Variants in ASAH1 observed in about 807,000 individuals in gnomAD.
ASAH1 encodes the protein N-acylsphingosine amidohydrolase 1.
Under a neutral mutation model 59.5 loss-of-function variants are expected in ASAH1, and 70 were observed. That is an observed-to-expected ratio of 1.18 (90% CI 0.97 to 1.43). ASAH1 has a LOEUF of 1.43. Ranked by LOEUF, ASAH1 falls within the 40% of genes most tolerant of loss-of-function variation. The probability of loss-of-function intolerance (pLI) is 0.00; values close to 1 mark genes in which losing one functional copy is unlikely to be tolerated. For missense variants in ASAH1, 660 were observed against 482.5 expected (o/e 1.37, Z -3.45); for synonymous variants, 213 against 166.5 (o/e 1.28, Z -2.15).
intron 8 of ASAH1, 83 bp from the exon 9 acceptor site, chr8:18,061,823 A>G: frequency 7.8e-7 from 1 of 1,281,524 alleles, no homozygotes; most frequent in Non-Finnish European, 1.1e-6. Flanking sequence ...TCAGAGTGGG[A>G]TATAAAGGCC....
At chr8:18,062,506 T>C (rs1799749217) in intron 7 of ASAH1, 83 bp from the exon 8 acceptor site, 2 of 1,458,682 alleles carry the variant, frequency 1.4e-6, no homozygotes, top group Admixed American at 3.4e-5. Flanking sequence ...GGCATTACAC[T>C]AGGAGCTTTA....
chr8:18,059,617 C>A lies in ASAH1; in HGVS notation c.872G>T (p.Gly291Val), dbSNP rs776590059. 2.5e-6 allele frequency: 4 copies of A among 1,614,100 alleles called. No individual in the cohort carries two copies. The highest frequency in any genetic ancestry group is 1.3e-5 in the African/African-American group (1 of 74,932). ...FILGGNQSGEGCVITRDRKES... is the reference protein window; with the variant it reads ...FILGGNQSGEVCVITRDRKES... The stretch of plus-strand genomic sequence containing the variant: ...CTTTCTGTCTCGTGTAATCACACAA[C>A]CTTCCCCAGACTGGTTGCCTCCCAG... The change falls in exon 11 of 14, where the codon GGT becomes GTT. Residue 291 changes from glycine to valine, a missense_variant. Transcript: ENST00000637790.
At position 18,069,838 on chromosome 8, in the gene ASAH1, G is replaced by GT. The variant is rs1336696568; in HGVS notation, c.256dup (p.Thr86AsnfsTer14). ...CATAATTTTTCCACTTGGCACGAATGTATTTATCATATTCTTCAGAGAATT... is the reference window on the plus strand; with the variant it reads ...CATAATTTTTCCACTTGGCACGAATGTTATTTATCATATTCTTCAGAGAATT... On this transcript the variant is annotated frameshift_variant, in exon 4 of 14. Coordinates refer to ENST00000637790, the MANE Select transcript of ASAH1 (RefSeq NM_177924.5). LOFTEE classifies it high-confidence loss of function. 6.3e-7 allele frequency: 1 copy of GT among 1,592,100 alleles called. No homozygotes were observed. Among genetic ancestry groups the GT allele is most frequent in the East Asian group, 2.2e-5 (1 of 44,742 alleles).
chr8:18,074,957 C>A lies in ASAH1; in HGVS notation c.125+584G>T, dbSNP rs1050922336. ...ACATTTGTCAAAGATGAGAAAAACCCTTCATGGTAGACAGGAGAATTGAGT... is the reference window on the plus strand; with the variant it reads ...ACATTTGTCAAAGATGAGAAAAACCATTCATGGTAGACAGGAGAATTGAGT... On this transcript the variant is annotated intron_variant, in intron 2 of 13. Coordinates refer to ENST00000637790, the MANE Select transcript of ASAH1 (RefSeq NM_177924.5). 4.6e-5 allele frequency among the ~76,000 whole-genome samples: 7 copies of A among 151,870 alleles called. No homozygotes were observed. The East Asian group carries it at 1.2e-3, about 25-fold the overall frequency.
chr8:18,058,744 G>A lies in ASAH1; in HGVS notation c.1098+91C>T, dbSNP rs192711749. ...GTCCTAAGCTGAACACACCTTTTGT[G>A]CTCAAACTGATCAAAGATAACAGAG... On this transcript the variant is annotated intron_variant, in intron 13 of 13. Coordinates refer to ENST00000637790, the MANE Select transcript of ASAH1 (RefSeq NM_177924.5). The A allele has an allele frequency of 2.7e-3, 3,285 of 1,196,654 alleles. 9 individuals carry two copies. Among genetic ancestry groups the A allele is most frequent in the Middle Eastern group, 3.8e-3 (18 of 4,750 alleles). 74.1% of individuals were successfully genotyped at this position (1,196,654 alleles called of 1,614,324 possible). A position where few individuals can be genotyped will look rare whatever the true frequency, so the allele number is the denominator to read the frequency against.
rs548064504 is a variant in ASAH1, at chr8:18,073,385, T to A, written c.126-1995A>T. ...CTTCACTGCAAACAAGAAATATCAT[T>A]TCATCATTTTTGAGACTTAGTGTTT... On this transcript the variant is annotated intron_variant, in intron 2 of 13. Coordinates refer to ENST00000637790, the MANE Select transcript of ASAH1 (RefSeq NM_177924.5). The A allele has an allele frequency of 1.3e-4, 144 of 1,104,920 alleles. 2 individuals carry two copies. The South Asian group carries it at 2.0e-3, about 15-fold the overall frequency. 68.4% of individuals were successfully genotyped at this position (1,104,920 alleles called of 1,614,324 possible).
chr8:18,078,626 G>C (rs1170013203), intron 1 of ASAH1, among the ~76,000 whole-genome samples: 2 of 152,080 alleles, frequency 1.3e-5, no homozygotes, highest in African/African-American at 4.8e-5. Context: ...CCCACGAGTA[G>C]CCCTAAAACA....
intron 3 of ASAH1, 37 bp downstream of exon 3, chr8:18,071,263 A>G (rs372997043): frequency 1.9e-6 from 2 of 1,072,880 alleles, no homozygotes; most frequent in South Asian, 2.5e-5. Flanking sequence ...TAAAAAATAA[A>G]AATAAAGAAA....
intron 8 of ASAH1, chr8:18,061,963 GA>G: frequency 1.6e-6 from 1 of 628,214 alleles, no homozygotes; most frequent in Non-Finnish European, 2.8e-6. Context: ...TTTTGGACAG[GA>G]AACTGAAGGG....
rs1564545349 is a variant in ASAH1, at chr8:18,069,778, A to T, written c.303+14T>A. The T allele has an allele frequency of 6.6e-7, 1 of 1,515,066 alleles. No individual in the cohort carries two copies. Among genetic ancestry groups the T allele is most frequent in the Non-Finnish European group, 9.2e-7 (1 of 1,091,586 alleles). The allele number at this position is 1,515,066 out of a possible 1,614,324, so 93.9% of individuals were successfully genotyped here. A position where few individuals can be genotyped will look rare whatever the true frequency, so the allele number is the denominator to read the frequency against. Reference sequence around the variant, plus strand: ...ATGTGCTTAACATTTATTGTGAGAAATAATATCTCTTACCAATTTTTCATC... The same window carrying T: ...ATGTGCTTAACATTTATTGTGAGAATTAATATCTCTTACCAATTTTTCATC... On this transcript the variant is annotated intron_variant, in intron 4 of 13. Coordinates refer to ENST00000637790, the MANE Select transcript of ASAH1 (RefSeq NM_177924.5).
intron 3 of ASAH1, among the ~76,000 whole-genome samples, chr8:18,070,093 G>A (rs913989190): frequency 2.0e-5 from 3 of 151,966 alleles, no homozygotes; most frequent in African/African-American, 4.8e-5. Context: ...CGATTCTCCT[G>A]CCTCAGCCTC....
chr8:18,068,723 G>C (rs907783022), intron 4 of ASAH1: 3 of 152,594 alleles, frequency 2.0e-5, no homozygotes, highest in Non-Finnish European at 4.4e-5. Context: ...CCCCAGGCCG[G>C]GCATCCTGAG....
At chr8:18,084,385 T>C (rs544498019), upstream of ASAH1, 80 of 1,395,636 alleles carry the variant, frequency 5.7e-5, no homozygotes, top group African/African-American at 1.0e-3. Flanking sequence ...CCCCGCCCCG[T>C]AGGTGGGGCC....
At chr8:18,072,348 G>C (rs1471330404) in intron 2 of ASAH1, among the ~76,000 whole-genome samples, 1 of 152,142 alleles carries the variant, frequency 6.6e-6, no homozygotes, top group Non-Finnish European at 1.5e-5. Flanking sequence ...CTGGGGATGG[G>C]TTATTACCTA....
At chr8:18,073,210 T>G in intron 2 of ASAH1, 1 of 1,510,918 alleles carries the variant, frequency 6.6e-7, no homozygotes, top group Non-Finnish European at 9.1e-7. Flanking sequence ...TTTCAGTATT[T>G]AACTTGTGCG....
chr8:18,084,499 G>C (rs372954586), upstream of ASAH1: 109 of 1,332,634 alleles, frequency 8.2e-5, no homozygotes, highest in Non-Finnish European at 1.0e-4. Context: ...GATCCAAAGA[G>C]TCTCAACACT....
At chr8:18,063,350 C>A (rs1799787563) in intron 6 of ASAH1, 120 bp from the exon 7 acceptor site, 1 of 951,898 alleles carries the variant, frequency 1.1e-6, no homozygotes, top group South Asian at 1.3e-5. Context: ...GTTGGCCAGA[C>A]TGGAGTGCAG....
At chr8:18,059,736 C>CTT in intron 10 of ASAH1, 33 bp from the exon 11 acceptor site, 1 of 1,555,852 alleles carries the variant, frequency 6.4e-7, no homozygotes, top group Non-Finnish European at 8.7e-7. Flanking sequence ...AAAAATGAAA[C>CTT]TTTTTTTTAA....
Position 18,084,062 on chromosome 8 carries a change from T to C in ASAH1, c.-4A>G, listed in dbSNP as rs781678063. The C allele has an allele frequency of 2.5e-6, 4 of 1,598,490 alleles. No homozygotes were observed. The highest frequency in any genetic ancestry group is 3.4e-6 in the Non-Finnish European group (4 of 1,179,648). Reference sequence around the variant, plus strand: ...CGACGCAACTCCGGCCCGGCATCGCTCTAGCAGCCAACGCCACTCCCCGGA... The same window carrying C: ...CGACGCAACTCCGGCCCGGCATCGCCCTAGCAGCCAACGCCACTCCCCGGA... On this transcript the variant is annotated 5_prime_UTR_variant, in exon 1 of 14. Coordinates refer to ENST00000637790, the MANE Select transcript of ASAH1 (RefSeq NM_177924.5).
Sources: allele counts gnomAD v4.1 joint callset (sites outside exome capture counted in the v4.1 genomes callset), GRCh38; gene constraint gnomAD v4.1.1; transcripts MANE v1.5; gene names NCBI Gene and HGNC (gene_info 2026-07-23, HGNC 2026-07-21).